The following PTPRD variants were observed in gnomAD, a reference collection of about 807,000 sequenced individuals.
PTPRD encodes the protein protein tyrosine phosphatase receptor type D.
In PTPRD, 34 loss-of-function variants were observed where a neutral mutation model predicts 214.5. That is an observed-to-expected ratio of 0.16 (90% confidence interval 0.12 to 0.21). The LOEUF (loss-of-function observed/expected upper bound fraction) is 0.21, where lower values mean the gene tolerates loss of function less well. Ranked by LOEUF, PTPRD falls within the 10% of genes least tolerant of loss-of-function variation. The pLI is 1.00. For synonymous variants in PTPRD, 1,128 were observed against 845.7 expected, an observed-to-expected ratio of 1.33 and a Z score of -5.79; for missense variants, 2,545 against 2,398.7, an observed-to-expected ratio of 1.06 and a Z score of -1.27.
At chr9:9,630,868 A>G (rs2095568436) in intron 7 of PTPRD, among the ~76,000 whole-genome samples, 1 of 152,230 alleles carries the variant, frequency 6.6e-6, no homozygotes, top group South Asian at 2.1e-4. Context: ...ACTTATATGT[A>G]AAAGATGTTC....
At chr9:9,472,654 T>G (rs2094705859) in intron 8 of PTPRD, among the ~76,000 whole-genome samples, 1 of 152,192 alleles carries the variant, frequency 6.6e-6, no homozygotes, top group Admixed American at 6.5e-5. Flanking sequence ...ATGCTTGCTG[T>G]GACCAGTTAT....
chr9:9,848,515 A>G (rs1382912405), intron 5 of PTPRD, among the ~76,000 whole-genome samples: 11 of 152,160 alleles, frequency 7.2e-5, no homozygotes, highest in South Asian at 6.2e-4. Context: ...AAGGAAAGTG[A>G]TGAGAAGACT....
At position 8,499,724 on chromosome 9, in the gene PTPRD, C is replaced by A. The variant is rs759878846; in HGVS notation, c.2245G>T (p.Val749Leu). Residue 749 changes from valine (V) to leucine (L), a missense_variant, in exon 25 of 46, where the codon GTG becomes TTG. Val to Leu is a conservative substitution (Grantham distance 32, BLOSUM62 1). Coordinates refer to ENST00000381196, the MANE Select transcript of PTPRD (RefSeq NM_002839.4). Reference sequence around the variant, plus strand: ...CCATTTTCCATCCTCACATAATGCACCTGATATCCTCTTATCTGGCCATGC... The same window carrying A: ...CCATTTTCCATCCTCACATAATGCAACTGATATCCTCTTATCTGGCCATGC... The part of the protein sequence containing the change: ...KQHGQIRGYQ[V>L]HYVRMENGEP... The A allele has an allele frequency of 1.9e-6, 3 of 1,613,990 alleles. No homozygotes were observed. The Admixed American group carries it at 5.0e-5, about 27-fold the overall frequency.
At chr9:10,460,823 A>C (rs1419299221) in intron 2 of PTPRD, among the ~76,000 whole-genome samples, 1 of 152,168 alleles carries the variant, frequency 6.6e-6, no homozygotes, top group Non-Finnish European at 1.5e-5. Context: ...CCTTGACATT[A>C]GTCTTAGCAA....
chr9:9,655,677 C>G (rs1246879503), intron 7 of PTPRD, among the ~76,000 whole-genome samples: 1 of 151,810 alleles, frequency 6.6e-6, no homozygotes, highest in Non-Finnish European at 1.5e-5. Context: ...ACACATCTCA[C>G]CATAAAATAA....
At chr9:10,170,798 CTA>C (rs1324176387) in intron 3 of PTPRD, among the ~76,000 whole-genome samples, 6 of 152,148 alleles carry the variant, frequency 3.9e-5, no homozygotes, top group African/African-American at 1.4e-4. Context: ...AGTTGCTTTT[CTA>C]TGTTTCTTTT....
At chr9:9,314,138 G>T (rs1414065947) in intron 9 of PTPRD, among the ~76,000 whole-genome samples, 1 of 152,074 alleles carries the variant, frequency 6.6e-6, no homozygotes, top group Non-Finnish European at 1.5e-5. Flanking sequence ...ATATTGGCAT[G>T]TGCATTATTA....
intron 30 of PTPRD, among the ~76,000 whole-genome samples, chr9:8,472,606 A>G (rs1181986715): frequency 6.6e-6 from 1 of 152,222 alleles, no homozygotes; most frequent in Non-Finnish European, 1.5e-5. Flanking sequence ...TAAAAGACAT[A>G]TTGCATTTCA....
chr9:8,353,506 C>G (rs2076072613), intron 39 of PTPRD, among the ~76,000 whole-genome samples: 1 of 150,968 alleles, frequency 6.6e-6, no homozygotes, highest in Non-Finnish European at 1.5e-5. Flanking sequence ...GATCTCGGCT[C>G]ATCGTAAACT....
intron 43 of PTPRD, among the ~76,000 whole-genome samples, chr9:8,336,794 T>G (rs527766532): frequency 6.6e-6 from 1 of 152,112 alleles, no homozygotes; most frequent in Non-Finnish European, 1.5e-5. Context: ...GGGCAAAGGA[T>G]ATGAACAGAC....
At chr9:9,406,747 G>T (rs745822810) in intron 8 of PTPRD, among the ~76,000 whole-genome samples, 3 of 151,674 alleles carry the variant, frequency 2.0e-5, no homozygotes, top group Non-Finnish European at 3.0e-5. Flanking sequence ...AGTCTGTGGG[G>T]AAGGAGAATA....
intron 2 of PTPRD, among the ~76,000 whole-genome samples, chr9:10,583,056 G>C (rs2072542788): frequency 6.6e-6 from 1 of 152,170 alleles, no homozygotes; most frequent in Non-Finnish European, 1.5e-5. Context: ...GATAAAGTCT[G>C]GGAGTGGGTG....
At chr9:9,223,067 T>A (rs1240424857) in intron 9 of PTPRD, among the ~76,000 whole-genome samples, 1 of 152,038 alleles carries the variant, frequency 6.6e-6, no homozygotes, top group Non-Finnish European at 1.5e-5. Context: ...GGTATAAGAA[T>A]TTCTACTTAT....
At chr9:10,491,213 G>A (rs940514797) in intron 2 of PTPRD, among the ~76,000 whole-genome samples, 10 of 152,160 alleles carry the variant, frequency 6.6e-5, no homozygotes, top group Middle Eastern at 3.4e-3. Flanking sequence ...ATATTGAATG[G>A]ATTCATTCTT....
At chr9:8,673,826 G>A (rs2097340749) in intron 12 of PTPRD, among the ~76,000 whole-genome samples, 1 of 152,158 alleles carries the variant, frequency 6.6e-6, no homozygotes, top group Middle Eastern at 3.2e-3. Flanking sequence ...ATTGGGGGCT[G>A]CATGATTTGT....
intron 7 of PTPRD, among the ~76,000 whole-genome samples, chr9:9,579,177 T>C (rs637356): frequency 0.36 from 54,012 of 151,984 alleles, 10,048 homozygotes; most frequent in African/African-American, 0.43. Context: ...AGTAATTATA[T>C]ATTTATTATG....
At chr9:10,128,161 T>A (rs1208614804) in intron 3 of PTPRD, among the ~76,000 whole-genome samples, 1 of 152,120 alleles carries the variant, frequency 6.6e-6, no homozygotes, top group Non-Finnish European at 1.5e-5. Context: ...ATGAGTCCTT[T>A]GCTTGACTCA....
chr9:9,729,856 A>G (rs1219949550), intron 7 of PTPRD, among the ~76,000 whole-genome samples: 1 of 152,096 alleles, frequency 6.6e-6, no homozygotes, highest in Non-Finnish European at 1.5e-5. Context: ...CATGACATAA[A>G]TTTACATCAG....
At chr9:8,450,474 G>C (rs2095894352) in intron 33 of PTPRD, among the ~76,000 whole-genome samples, 1 of 152,166 alleles carries the variant, frequency 6.6e-6, no homozygotes, top group Non-Finnish European at 1.5e-5. Context: ...ACAGTGTTAA[G>C]CTAACTGTGA....
Sources: gnomAD v4.1 joint callset for allele counts (sites outside exome capture counted in the v4.1 genomes callset) on GRCh38, gnomAD v4.1.1 for gene constraint, MANE v1.5 for transcripts, NCBI Gene and HGNC (gene_info 2026-07-23, HGNC 2026-07-21) for gene names.